NCKAP5: variants seen among roughly 807,000 people sequenced by gnomAD.
The protein encoded by NCKAP5 is nck-associated protein 5.
Under a neutral mutation model 167.0 loss-of-function variants are expected in NCKAP5, and 92 were observed. The ratio of observed to expected loss-of-function variants is 0.55; its 90% CI spans 0.47 to 0.66. NCKAP5 has a LOEUF of 0.66. Ranked by LOEUF, NCKAP5 falls within the 30% of genes least tolerant of loss-of-function variation. The probability of loss-of-function intolerance (pLI) is 0.00; values close to 1 mark genes in which losing one functional copy is unlikely to be tolerated. For missense variants in NCKAP5, 2,378 were observed against 2,315.0 expected, an observed-to-expected ratio of 1.03 and a Z score of -0.56; for synonymous variants, 891 against 877.4, an observed-to-expected ratio of 1.02 and a Z score of -0.27.
chr2:133,216,270 T>C (rs1164248568), intron 4 of NCKAP5, among the ~76,000 whole-genome samples: 1 of 151,616 alleles, frequency 6.6e-6, no homozygotes, highest in African/African-American at 2.4e-5. Context: ...ATAATTGGAT[T>C]TTTTTTTCTT....
At chr2:133,141,278 A>C (rs1358263582) in intron 5 of NCKAP5, among the ~76,000 whole-genome samples, 2 of 152,150 alleles carry the variant, frequency 1.3e-5, no homozygotes, top group African/African-American at 4.8e-5. Context: ...ATAACTATTA[A>C]GTCAAAAATT....
intron 3 of NCKAP5, among the ~76,000 whole-genome samples, chr2:133,482,368 C>T (rs1284369046): frequency 2.0e-5 from 3 of 152,050 alleles, no homozygotes; most frequent in Non-Finnish European, 4.4e-5. Flanking sequence ...CAGGCATGTG[C>T]CACCTCACCC....
chr2:132,810,862 A>C (rs1430899455), intron 11 of NCKAP5, among the ~76,000 whole-genome samples: 2 of 152,054 alleles, frequency 1.3e-5, no homozygotes, highest in Non-Finnish European at 2.9e-5. Context: ...TTGTCATATT[A>C]CCAGGGTTGG....
At chr2:132,807,800 G>T (rs1435761850) in intron 11 of NCKAP5, among the ~76,000 whole-genome samples, 2 of 152,006 alleles carry the variant, frequency 1.3e-5, no homozygotes, top group African/African-American at 4.8e-5. Context: ...CTATGCTGAA[G>T]GAGTGGTGAG....
chr2:133,189,829 C>T (rs2085126919), intron 5 of NCKAP5, among the ~76,000 whole-genome samples: 1 of 152,244 alleles, frequency 6.6e-6, no homozygotes, highest in African/African-American at 2.4e-5. Context: ...CCTGAATGGG[C>T]AAAAACTGCA....
At chr2:132,827,214 T>G (rs1345350247) in intron 11 of NCKAP5, among the ~76,000 whole-genome samples, 4 of 152,250 alleles carry the variant, frequency 2.6e-5, no homozygotes, top group African/African-American at 7.2e-5. Flanking sequence ...GATATATATT[T>G]TTTTAATTTA....
chr2:133,174,522 T>A (rs2084375068), intron 5 of NCKAP5, among the ~76,000 whole-genome samples: 2 of 152,176 alleles, frequency 1.3e-5, no homozygotes, highest in African/African-American at 4.8e-5. Context: ...TTTATTTTAT[T>A]CTACAGGCTA....
At chr2:133,481,418 T>C (rs1018927117) in intron 3 of NCKAP5, among the ~76,000 whole-genome samples, 18 of 152,212 alleles carry the variant, frequency 1.2e-4, no homozygotes, top group African/African-American at 4.3e-4. Context: ...ATTTAGGGTG[T>C]CCATCTCCCA....
At chr2:133,491,109 T>C (rs1681399758) in intron 3 of NCKAP5, among the ~76,000 whole-genome samples, 1 of 152,244 alleles carries the variant, frequency 6.6e-6, no homozygotes, top group Non-Finnish European at 1.5e-5. Flanking sequence ...CATACTCCTA[T>C]CATTCAATAG....
At chr2:133,190,108 C>T (rs1457749162) in intron 5 of NCKAP5, among the ~76,000 whole-genome samples, 1 of 152,168 alleles carries the variant, frequency 6.6e-6, no homozygotes. Context: ...GCAAAAATCA[C>T]AAGCATTCTT....
intron 3 of NCKAP5, among the ~76,000 whole-genome samples, chr2:133,307,128 T>C (rs1025547664): frequency 6.6e-6 from 1 of 152,226 alleles, no homozygotes. Flanking sequence ...GAACATCCTA[T>C]TCTACTGGTT....
intron 4 of NCKAP5, among the ~76,000 whole-genome samples, chr2:133,222,644 G>A (rs891960418): frequency 2.9e-5 from 4 of 137,612 alleles, no homozygotes; most frequent in Non-Finnish European, 6.6e-5. Flanking sequence ...TTTTGACCCC[G>A]TGGATCTCTA....
intron 3 of NCKAP5, among the ~76,000 whole-genome samples, chr2:133,310,010 C>T (rs758924106): frequency 2.6e-5 from 4 of 152,164 alleles, no homozygotes; most frequent in Admixed American, 6.5e-5. Flanking sequence ...ACCAGCAAGG[C>T]GGCCAGCTGT....
intron 2 of NCKAP5, among the ~76,000 whole-genome samples, chr2:133,523,785 G>A (rs904159114): frequency 2.0e-5 from 3 of 152,074 alleles, no homozygotes; most frequent in Non-Finnish European, 4.4e-5. Context: ...GCTCCCACAC[G>A]GTAGGCATGC....
chr2:132,993,416 CT>C lies in NCKAP5; in HGVS notation c.429+735del, dbSNP rs199803454. ...GATGTCCTGCTTCCTGGCCTGGCAG[CT>C]TTGCTGGTGTTAAAGGACAGTGGGA... On this transcript the variant is annotated intron_variant, in intron 7 of 19. Transcript: ENST00000409261. 7.3e-3 allele frequency among the ~76,000 whole-genome samples: 1,109 copies of C among 152,308 alleles called. 46 individuals carry two copies. Among genetic ancestry groups the C allele is most frequent in the Admixed American group, 0.064 (986 of 15,292 alleles).
Position 132,899,509 on chromosome 2 carries a change from G to A in NCKAP5, c.580-20593C>T, listed in dbSNP as rs376411783. 3.3e-5 allele frequency among the ~76,000 whole-genome samples: 5 copies of A among 152,370 alleles called. No individual in the cohort carries two copies. The East Asian group carries it at 5.8e-4, about 18-fold the overall frequency. ...CTTGGCTGTTTGGGGCATGAGGCCC[G>A]GCTTTCAGCCTGTCTTGGCTTTTGA... On this transcript the variant is annotated intron_variant, in intron 8 of 19. Coordinates refer to ENST00000409261, the MANE Select transcript of NCKAP5 (RefSeq NM_207363.3).
chr2:132,756,376 G>A (rs1415068596), intron 16 of NCKAP5, among the ~76,000 whole-genome samples: 2 of 152,108 alleles, frequency 1.3e-5, no homozygotes, highest in Non-Finnish European at 2.9e-5. Context: ...AGAAACTTGG[G>A]CCAGGGAAAA....
At chr2:133,668,098 T>C in the NCKAP5 span, among the ~76,000 whole-genome samples, 1 of 152,066 alleles carries the variant, frequency 6.6e-6, no homozygotes, top group Non-Finnish European at 1.5e-5. Context: ...TCATGTGGTA[T>C]ATAAATCAGG....
In NCKAP5 at chr2:133,055,772, A is replaced by G. The variant is rs114745153; in HGVS notation, c.342-61533T>C. 4.3e-3 allele frequency among the ~76,000 whole-genome samples: 651 copies of G among 152,268 alleles called. 5 individuals are homozygous for G. Among genetic ancestry groups the G allele is most frequent in the African/African-American group, 0.014 (583 of 41,562 alleles). ...GCCAGATGCAGAGCTGTAGGAAAAC[A>G]TGACTCCCAGCAATGGCACCTGTCC... On this transcript the variant is annotated intron_variant, in intron 6 of 19. Coordinates refer to ENST00000409261, the MANE Select transcript of NCKAP5 (RefSeq NM_207363.3).
Sources: allele counts gnomAD v4.1 joint callset (sites outside exome capture counted in the v4.1 genomes callset), GRCh38; gene constraint gnomAD v4.1.1; transcripts MANE v1.5; gene names NCBI Gene and HGNC (gene_info 2026-07-23, HGNC 2026-07-21).